Variants in GJB6 observed in about 807,000 individuals in gnomAD.
GJB6 encodes gap junction protein beta 6.
In GJB6, 5 loss-of-function variants were observed where a neutral mutation model predicts 5.4. The observed-to-expected ratio is 0.92, with a 90% CI of 0.48 to 1.93. The LOEUF is 1.93. Among genes scored for constraint, GJB6 ranks in the 30% most tolerant of loss-of-function variants. GJB6 has a pLI of 0.01. For missense variants in GJB6, 298 were observed against 326.9 expected (o/e 0.91, Z 0.68); for synonymous variants, 136 against 129.6 (o/e 1.05, Z -0.34).
At chr13:20,228,780 G>A (rs112663354) in intron 4 of GJB6, among the ~76,000 whole-genome samples, 2,125 of 152,022 alleles carry the variant, frequency 0.014, 26 homozygotes, top group Middle Eastern at 0.031. Flanking sequence ...CACCGCGCCC[G>A]GCCCATGCTA....
chr13:20,223,588 A>G, intron 4 of GJB6, 93 bp from the exon 5 acceptor site: 1 of 984,818 alleles, frequency 1.0e-6, no homozygotes. Flanking sequence ...ACTTTATTTT[A>G]AGGTAGGCTG....
chr13:20,225,952 G>A (rs1006506140), intron 4 of GJB6, among the ~76,000 whole-genome samples: 1 of 152,130 alleles, frequency 6.6e-6, no homozygotes, highest in African/African-American at 2.4e-5. Context: ...GGACATCAGC[G>A]CCACAGCACA....
chr13:20,224,152 T>C (rs1287269075), intron 4 of GJB6, among the ~76,000 whole-genome samples: 1 of 152,134 alleles, frequency 6.6e-6, no homozygotes, highest in African/African-American at 2.4e-5. Context: ...TTACACCAGA[T>C]TGGCTTTCTC....
chr13:20,228,650 A>C (rs1264237696), intron 4 of GJB6, among the ~76,000 whole-genome samples: 1 of 150,570 alleles, frequency 6.6e-6, no homozygotes, highest in Non-Finnish European at 1.5e-5. Context: ...AAGCCCGGCT[A>C]ATTTTTTGTA....
intron 4 of GJB6, among the ~76,000 whole-genome samples, chr13:20,228,692 G>T (rs1454151074): frequency 1.3e-3 from 48 of 35,876 alleles, no homozygotes; most frequent in Non-Finnish European, 4.1e-3. Context: ...CACCGTGTTA[G>T]CCAGGATGGT....
chr13:20,223,170 C>A lies in GJB6; in HGVS notation c.311G>T (p.Arg104Leu), dbSNP rs549918398. Residue 104 changes from arginine (R) to leucine (L), a missense_variant, in exon 5 of 5, where the codon CGC becomes CTC. Transcript: ENST00000647029. ...HVAYYRHETT[R>L]KFRRGEKRND... Reference sequence around the variant, plus strand: ...CCTCTTCTCTCCTCGCCTGAACTTGCGAGTGGTTTCGTGCCTGTAGTAGGC... The same window carrying A: ...CCTCTTCTCTCCTCGCCTGAACTTGAGAGTGGTTTCGTGCCTGTAGTAGGC... The A allele has an allele frequency of 6.2e-7, 1 of 1,613,444 alleles. No homozygotes were observed. The highest frequency in any genetic ancestry group is 8.5e-7 in the Non-Finnish European group (1 of 1,179,508).
In GJB6 at chr13:20,224,925, G is replaced by C. The variant is rs115308867; in HGVS notation, c.-15-1430C>G. Among the ~76,000 whole-genome samples the C allele has an allele frequency of 3.4e-3, 522 of 152,180 alleles. 2 individuals carry two copies. Among genetic ancestry groups the C allele is most frequent in the African/African-American group, 0.012 (494 of 41,520 alleles). On this transcript the variant is annotated intron_variant, in intron 4 of 4. Transcript: ENST00000647029. ...CTCAGGCCAGCCCCCTGGACCTCAC[G>C]CTCTGGCCCACACACCTGCCCCTCT...
rs773719693 is a variant in GJB6, at chr13:20,222,968, A to T, written c.513T>A (p.Ile171=). The T allele has an allele frequency of 3.7e-6, 6 of 1,614,188 alleles. No homozygotes were observed. The highest frequency in any genetic ancestry group is 1.1e-5 in the South Asian group (1 of 91,078). ...YHLPWVLKCG[I]DPCPNLVDCF... is the part of the protein sequence containing the mutation. ...AGTCAACAAGGTTGGGGCAGGGGTC[A>T]ATCCCACATTTCAACACCCAGGGCA... The change falls in exon 5 of 5, where the codon ATT becomes ATA. Residue 171 remains isoleucine, a synonymous_variant. Coordinates refer to ENST00000647029, the MANE Select transcript of GJB6 (RefSeq NM_001110219.3).
At position 20,223,046 on chromosome 13, in the gene GJB6, GATGATTCGGAAAAAGATGCTGCTGGTGT is replaced by G. The variant is rs1566538404; in HGVS notation, c.407_434del (p.Tyr136SerfsTer23). On this transcript the variant is annotated frameshift_variant, in exon 5 of 5. Coordinates refer to ENST00000647029, the MANE Select transcript of GJB6 (RefSeq NM_001110219.3). LOFTEE classifies it low-confidence loss of function (END_TRUNC). ...ACACATACATAAAGGCTGCTTCAAA[GATGATTCGGAAAAAGATGCTGCTGGTGT>G]ACGTCCACCACAGCGACCCCTCTAT... 6.2e-7 allele frequency: 1 copy of G among 1,613,318 alleles called. No individual in the cohort carries two copies. The highest frequency in any genetic ancestry group is 8.5e-7 in the Non-Finnish European group (1 of 1,179,202).
rs1255911825 is a variant in GJB6 at position 20,223,013 on chromosome 13, G to A, written c.468C>T (p.Phe156=). The A allele has an allele frequency of 1.7e-5, 28 of 1,614,016 alleles. No homozygotes were observed. The highest frequency in any genetic ancestry group is 2.3e-5 in the Non-Finnish European group (27 of 1,179,992). Residue 156 remains phenylalanine (F), a synonymous_variant, in exon 5 of 5, where the codon TTC becomes TTT. Transcript: ENST00000647029. ...FEAAFMYVFY[F]LYNGYHLPWV... The stretch of plus-strand genomic sequence containing the variant: ...AGGGCAGGTGGTACCCATTGTAAAG[G>A]AAGTAAAACACATACATAAAGGCTG...
At chr13:20,231,336 C>G (rs1338088935) in intron 2 of GJB6, 46 bp downstream of exon 2, 1 of 152,238 alleles carries the variant, frequency 6.6e-6, no homozygotes, top group Non-Finnish European at 1.5e-5. Context: ...GGTTGCAGGT[C>G]CCTAACCCCT....
At chr13:20,229,792 T>TCCCCCCCCCCCCCCCCCCCCCCCCCC (rs56771888) in intron 3 of GJB6, 43 bp from the exon 4 acceptor site, 1 of 72,816 alleles carries the variant, frequency 1.4e-5, no homozygotes, top group Non-Finnish European at 2.7e-5. Context: ...TTCCTTTAAC[T>TCCCCCCCCCCCCCCCCCCCCCCCCCC]CCCCCCCCCC....
At chr13:20,228,734 T>G (rs1478255867) in intron 4 of GJB6, among the ~76,000 whole-genome samples, 10 of 151,830 alleles carry the variant, frequency 6.6e-5, no homozygotes, top group Non-Finnish European at 1.3e-4. Flanking sequence ...TCCGCCCCCC[T>G]TGGCCTCCCA....
rs775911480 is a variant in GJB6, at chr13:20,223,257, C to T, written c.224G>A (p.Arg75Gln). 6.2e-6 allele frequency: 10 copies of T among 1,611,504 alleles called. No homozygotes were observed. In the South Asian group the frequency reaches 6.6e-5, roughly 11 times the overall value. ...YDHFFPVSHI[R>Q]LWALQLIFVS... ...GAAGATCAGCTGGAGGGCCCACAGC[C>T]GGATGTGGGACACCGGGAAAAAGTG... Residue 75 changes from arginine to glutamine, a missense_variant, in exon 5 of 5, where the codon CGG (arginine) becomes CAG (glutamine). By Grantham distance (43) the Arg-to-Gln change is conservative. Transcript: ENST00000647029.
chr13:20,229,123 C>CAAAAAAAA (rs5802041), intron 4 of GJB6, among the ~76,000 whole-genome samples: 19 of 43,876 alleles, frequency 4.3e-4, no homozygotes, highest in African/African-American at 1.8e-3. Flanking sequence ...TGTCATTTAG[C>CAAAAAAAA]AAAAAAAAAA....
At chr13:20,227,774 C>G (rs911202881) in intron 4 of GJB6, among the ~76,000 whole-genome samples, 2 of 152,222 alleles carry the variant, frequency 1.3e-5, no homozygotes, top group African/African-American at 4.8e-5. Flanking sequence ...ATCAAGCCCC[C>G]AAATTTCCAG....
At position 20,223,213 on chromosome 13, in the gene GJB6, G is replaced by C; in HGVS notation, c.268C>G (p.Leu90Val). ...TAGTAGGCCACATGCATGGCCACCA[G>C]CAGCGCTGGGGTGGAGACGAAGATC... Reference protein sequence around the residue: ...QLIFVSTPALLVAMHVAYYRH... With the variant: ...QLIFVSTPALVVAMHVAYYRH... Residue 90 changes from leucine (L) to valine (V), a missense_variant, in exon 5 of 5, where the codon CTG becomes GTG. Coordinates refer to ENST00000647029, the MANE Select transcript of GJB6 (RefSeq NM_001110219.3). 1 of 1,610,760 alleles carries C rather than the reference G, an allele frequency of 6.2e-7. No homozygotes were observed. The highest frequency in any genetic ancestry group is 8.5e-7 in the Non-Finnish European group (1 of 1,177,444).
At chr13:20,231,547 GC>G (rs1394038328) in intron 1 of GJB6, 42 bp from the exon 2 acceptor site, 1 of 152,144 alleles carries the variant, frequency 6.6e-6, no homozygotes, top group African/African-American at 2.4e-5. Flanking sequence ...TGTCGTCCAC[GC>G]TATTGTCATC....
At chr13:20,226,781 A>C (rs1376923538) in intron 4 of GJB6, among the ~76,000 whole-genome samples, 1 of 152,212 alleles carries the variant, frequency 6.6e-6, no homozygotes, top group Non-Finnish European at 1.5e-5. Context: ...TCCCATTGAA[A>C]TTTGGTCAAC....
Sources: gnomAD v4.1 joint callset for allele counts (sites outside exome capture counted in the v4.1 genomes callset) on GRCh38, gnomAD v4.1.1 for gene constraint, MANE v1.5 for transcripts, NCBI Gene and HGNC (gene_info 2026-07-23, HGNC 2026-07-21) for gene names.